The following NCCRP1 variants were observed in gnomAD, a reference collection of about 807,000 sequenced individuals.
The protein encoded by NCCRP1 is F-box only protein 50.
In NCCRP1, 32 loss-of-function variants were observed where a neutral mutation model predicts 34.4. The observed-to-expected ratio is 0.93, with a 90% CI of 0.70 to 1.25. The LOEUF is 1.25. Among genes scored for constraint, NCCRP1 ranks in the 50% most tolerant of loss-of-function variants. NCCRP1 has a pLI of 0.00. For synonymous variants in NCCRP1, 172 were observed against 180.1 expected (o/e 0.95, Z 0.36); for missense variants, 372 against 391.8 (o/e 0.95, Z 0.43).
In NCCRP1 at chr19:39,197,157, CCCGAGCCGGCGCAGCCGT is replaced by C. The variant is rs1471875491; in HGVS notation, c.181_198del (p.Pro61_Glu66del). 1 of 1,453,074 alleles carries C rather than the reference CCCGAGCCGGCGCAGCCGT, an allele frequency of 6.9e-7. No individual in the cohort carries two copies. Among genetic ancestry groups the C allele is most frequent in the Non-Finnish European group, 9.0e-7 (1 of 1,115,946 alleles). The allele number at this position is 1,453,074 out of a possible 1,614,324, so 90.0% of individuals were successfully genotyped here. ...CGCAGCCCCGGAGGCCCCCGAGCTC[CCCGAGCCGGCGCAGCCGT>C]CCGAGGCTCACGCCCGGCAGCTGCT... On this transcript the variant is annotated inframe_deletion, in exon 1 of 6. Transcript: ENST00000339852.
chr19:39,198,789 C>A (rs1056152428), intron 3 of NCCRP1, among the ~76,000 whole-genome samples: 1 of 152,124 alleles, frequency 6.6e-6, no homozygotes, highest in Non-Finnish European at 1.5e-5. Context: ...TATTCTAAGG[C>A]TCTTTCCCTG....
chr19:39,200,603 G>A lies in NCCRP1; in HGVS notation c.688-13G>A, dbSNP rs775337353. ...AAAGGGCTCCTCCCTAACCCCAGGT[G>A]CTGTCACCACAGGTGTCCCACGTAT... On this transcript the variant is annotated splice_polypyrimidine_tract_variant and intron_variant, in intron 5 of 5. Transcript: ENST00000339852. This position sits in a 1 kb window ranked among gnomAD's most constrained non-coding sequence, Gnocchi z 5.8. The A allele has an allele frequency of 6.2e-7, 1 of 1,613,806 alleles. No homozygotes were observed. Among genetic ancestry groups the A allele is most frequent in the Non-Finnish European group, 8.5e-7 (1 of 1,179,922 alleles).
chr19:39,200,726 C>G lies in NCCRP1; in HGVS notation c.798C>G (p.Asp266Glu). 6.2e-7 allele frequency: 1 copy of G among 1,613,204 alleles called. No individual in the cohort carries two copies. The highest frequency in any genetic ancestry group is 8.5e-7 in the Non-Finnish European group (1 of 1,180,006). The change falls in exon 6 of 6, where the codon GAC becomes GAG. Residue 266 changes from aspartate to glutamate, a missense_variant. By Grantham distance (45) the Asp-to-Glu change is conservative. Coordinates refer to ENST00000339852, the MANE Select transcript of NCCRP1 (RefSeq NM_001001414.2). This position sits in a 1 kb window ranked among gnomAD's most constrained non-coding sequence, Gnocchi z 5.8. ...GGCTGCGGCGGACACGGGTGACCGA[C>G]TCCTCCGTGTCTGTGCAGCTCCGGG... ...PGGLRRTRVT[D>E]SSVSVQLRE
At chr19:39,199,378 G>A (rs1600433727) in intron 4 of NCCRP1, 113 bp downstream of exon 4, 1 of 928,302 alleles carries the variant, frequency 1.1e-6, no homozygotes, top group South Asian at 1.5e-5. Flanking sequence ...CCCTCCTGGT[G>A]CTACAGGGTC....
Position 39,198,270 on chromosome 19 carries a change from A to C in NCCRP1, c.452+17A>C. 1 of 1,613,870 alleles carries C rather than the reference A, an allele frequency of 6.2e-7. No individual in the cohort carries two copies. The highest frequency in any genetic ancestry group is 8.5e-7 in the Non-Finnish European group (1 of 1,179,758). On this transcript the variant is annotated intron_variant, in intron 3 of 5. Coordinates refer to ENST00000339852, the MANE Select transcript of NCCRP1 (RefSeq NM_001001414.2). ...GAACCAAAGGTGAGTCGCCAGGGCC[A>C]GTGTGGCTTACACTCCATTCCCTGC... is the stretch of plus-strand genomic sequence containing the variant.
rs759181864 is a variant in NCCRP1, at chr19:39,200,402, C to T, written c.605C>T (p.Ala202Val). The T allele has an allele frequency of 4.6e-5, 74 of 1,613,312 alleles. No homozygotes were observed. Among genetic ancestry groups the T allele is most frequent in the Non-Finnish European group, 5.7e-5 (67 of 1,180,014 alleles). The part of the protein sequence containing the change: ...CVYELHVWLL[A>V]ADRRTVIAQH... ...TATGAGCTGCATGTCTGGCTGCTGG[C>T]GGCCGACCGCCGCACGGTCATTGCT... Residue 202 changes from alanine (A) to valine (V), a missense_variant, in exon 5 of 6, where the codon GCG (alanine) becomes GTG (valine). Ala to Val is a moderately conservative substitution (Grantham distance 64). Transcript: ENST00000339852. The surrounding 1 kb of genome is among the most constrained non-coding windows in gnomAD (Gnocchi z 5.8).
intron 4 of NCCRP1, 41 bp downstream of exon 4, chr19:39,199,306 C>A: frequency 6.4e-7 from 1 of 1,559,874 alleles, no homozygotes; most frequent in Non-Finnish European, 8.8e-7. Context: ...CGTGATCGCG[C>A]AGGGCTGCCC....
chr19:39,199,363 C>A, intron 4 of NCCRP1, 98 bp downstream of exon 4: 2 of 1,060,558 alleles, frequency 1.9e-6, no homozygotes, highest in Non-Finnish European at 2.8e-6. Context: ...AGCCCTTCAC[C>A]AAGACCCTCC....
chr19:39,200,200 T>C lies in NCCRP1; in HGVS notation c.549-146T>C. The C allele has an allele frequency of 3.0e-6, 3 of 986,438 alleles. No homozygotes were observed. Among genetic ancestry groups the C allele is most frequent in the Non-Finnish European group, 4.5e-6 (3 of 666,536 alleles). The allele number at this position is 986,438 out of a possible 1,614,324, so 61.1% of individuals were successfully genotyped here. A position where few individuals can be genotyped will look rare whatever the true frequency, so the allele number is the denominator to read the frequency against. ...GTGGCAGGGTGTGGGGCTGTCTTGG[T>C]CACTGCTATGTTGCCAGCACCACCC... On this transcript the variant is annotated intron_variant, in intron 4 of 5. Coordinates refer to ENST00000339852, the MANE Select transcript of NCCRP1 (RefSeq NM_001001414.2). This position sits in a 1 kb window ranked among gnomAD's most constrained non-coding sequence, Gnocchi z 5.8.
rs550666456 is a variant in NCCRP1 at position 39,200,566 on chromosome 19, G to T, written c.688-50G>T. 4 of 1,611,272 alleles carry T rather than the reference G, an allele frequency of 2.5e-6. No individual in the cohort carries two copies. The South Asian group carries it at 4.4e-5, about 18-fold the overall frequency. ...CTCACAGAGGGAGGAGAACAGGTCCGCGGGTCCTCAAAAAGGGCTCCTCCC... is the reference window on the plus strand; with the variant it reads ...CTCACAGAGGGAGGAGAACAGGTCCTCGGGTCCTCAAAAAGGGCTCCTCCC... On this transcript the variant is annotated intron_variant, in intron 5 of 5. Coordinates refer to ENST00000339852, the MANE Select transcript of NCCRP1 (RefSeq NM_001001414.2). The surrounding 1 kb of genome is among the most constrained non-coding windows in gnomAD (Gnocchi z 5.8).
At position 39,197,117 on chromosome 19, in the gene NCCRP1, G is replaced by A. The variant is rs980594235; in HGVS notation, c.135G>A (p.Pro45=). The A allele has an allele frequency of 8.6e-6, 13 of 1,519,704 alleles. No homozygotes were observed. Among genetic ancestry groups the A allele is most frequent in the African/African-American group, 1.4e-5 (1 of 70,368 alleles). 94.1% of individuals were successfully genotyped at this position (1,519,704 alleles called of 1,614,324 possible). A position where few individuals can be genotyped will look rare whatever the true frequency, so the allele number is the denominator to read the frequency against. The part of the protein sequence containing the change: ...PPSPPPLPSP[P]SLPSPAAPEA... ...CGCCGCCACCACTGCCCTCGCCGCC[G>A]TCGCTGCCATCGCCCGCAGCCCCGG... Residue 45 remains proline, a synonymous_variant, in exon 1 of 6, where the codon CCG becomes CCA. Transcript: ENST00000339852.
rs2074786862 is a variant in NCCRP1, at chr19:39,201,182, A to G, written c.*426A>G. ...AAAGGGGAATGAAGCCATTCACTTC[A>G]CTCAGTTCCTGTCCCATTTAACCGC... On this transcript the variant is annotated 3_prime_UTR_variant, in exon 6 of 6. Transcript: ENST00000339852. 5.6e-6 allele frequency: 1 copy of G among 179,988 alleles called. No homozygotes were observed. The highest frequency in any genetic ancestry group is 5.5e-5 in the Admixed American group (1 of 18,122). The allele number at this position is 179,988 out of a possible 1,614,324, so 11.1% of individuals were successfully genotyped here.
chr19:39,198,260 C>T lies in NCCRP1; in HGVS notation c.452+7C>T, dbSNP rs374807578. The T allele has an allele frequency of 1.4e-5, 23 of 1,613,926 alleles. No homozygotes were observed. In the African/African-American group the frequency reaches 1.5e-4, roughly 10 times the overall value. ...AGCTCCAGCAGAACCAAAGGTGAGT[C>T]GCCAGGGCCAGTGTGGCTTACACTC... On this transcript the variant is annotated splice_region_variant and intron_variant, in intron 3 of 5. Coordinates refer to ENST00000339852, the MANE Select transcript of NCCRP1 (RefSeq NM_001001414.2).
chr19:39,200,623 A>G lies in NCCRP1; in HGVS notation c.695A>G (p.His232Arg). 6.2e-7 allele frequency: 1 copy of G among 1,613,888 alleles called. No individual in the cohort carries two copies. ...GPPGRWVQVS[H>R]VFRHYGPGVR... ...CAGGTGCTGTCACCACAGGTGTCCCACGTATTCCGCCATTATGGTCCCGGT... is the reference window on the plus strand; with the variant it reads ...CAGGTGCTGTCACCACAGGTGTCCCGCGTATTCCGCCATTATGGTCCCGGT... Residue 232 changes from histidine to arginine, a missense_variant, in exon 6 of 6, where the codon CAC becomes CGC. Transcript: ENST00000339852. This position sits in a 1 kb window ranked among gnomAD's most constrained non-coding sequence, Gnocchi z 5.8.
intron 4 of NCCRP1, among the ~76,000 whole-genome samples, chr19:39,199,662 G>A (rs1428176251): frequency 2.0e-5 from 3 of 151,302 alleles, no homozygotes; most frequent in Admixed American, 6.6e-5. Context: ...ACAGGCGCGC[G>A]CCACCATACC....
intron 1 of NCCRP1, 78 bp downstream of exon 1, chr19:39,197,397 TCTAC>T (rs989646244): frequency 2.5e-6 from 3 of 1,192,442 alleles, no homozygotes; most frequent in Non-Finnish European, 3.3e-6. Context: ...TCCTTATCTC[TCTAC>T]CTCTTTGTCT....
In NCCRP1 at chr19:39,200,406, C is replaced by A; in HGVS notation, c.609C>A (p.Ala203=). ...VYELHVWLLA[A]DRRTVIAQHH... ...AGCTGCATGTCTGGCTGCTGGCGGCCGACCGCCGCACGGTCATTGCTCAGC... is the reference window on the plus strand; with the variant it reads ...AGCTGCATGTCTGGCTGCTGGCGGCAGACCGCCGCACGGTCATTGCTCAGC... The change falls in exon 5 of 6, where the codon GCC becomes GCA. Residue 203 remains alanine, a synonymous_variant. Coordinates refer to ENST00000339852, the MANE Select transcript of NCCRP1 (RefSeq NM_001001414.2). This position sits in a 1 kb window ranked among gnomAD's most constrained non-coding sequence, Gnocchi z 5.8. 1.2e-6 allele frequency: 2 copies of A among 1,613,460 alleles called. No homozygotes were observed. Among genetic ancestry groups the A allele is most frequent in the Non-Finnish European group, 1.7e-6 (2 of 1,180,018 alleles).
At position 39,200,554 on chromosome 19, in the gene NCCRP1, G is replaced by A; in HGVS notation, c.688-62G>A. 6.2e-7 allele frequency: 1 copy of A among 1,610,824 alleles called. No homozygotes were observed. The highest frequency in any genetic ancestry group is 1.3e-5 in the African/African-American group (1 of 74,976). The stretch of plus-strand genomic sequence containing the variant: ...TTGTCCCAAGACCTCACAGAGGGAG[G>A]AGAACAGGTCCGCGGGTCCTCAAAA... On this transcript the variant is annotated intron_variant, in intron 5 of 5. Transcript: ENST00000339852. This position sits in a 1 kb window ranked among gnomAD's most constrained non-coding sequence, Gnocchi z 5.8.
chr19:39,198,541 C>A (rs983399369), intron 3 of NCCRP1, among the ~76,000 whole-genome samples: 1 of 152,162 alleles, frequency 6.6e-6, no homozygotes, highest in Non-Finnish European at 1.5e-5. Context: ...CTCACTGCAA[C>A]CTCTGCCTCC....
Sources: gnomAD v4.1 joint callset for allele counts (sites outside exome capture counted in the v4.1 genomes callset) on GRCh38, gnomAD v4.1.1 for gene constraint, Gnocchi (gnomAD v3.1) non-coding constraint, MANE v1.5 for transcripts, NCBI Gene and HGNC (gene_info 2026-07-23, HGNC 2026-07-21) for gene names.